PLXNA4: variants seen among roughly 807,000 people sequenced by gnomAD.
PLXNA4 encodes plexin-A4.
In PLXNA4, 44 loss-of-function variants were observed where a neutral mutation model predicts 191.8. The observed-to-expected ratio is 0.23, with a 90% CI of 0.18 to 0.29. PLXNA4 has a LOEUF of 0.29. PLXNA4 is among the 10% of genes least tolerant of loss of function. The pLI is 1.00. For missense variants in PLXNA4, 1,800 were observed against 2,488.8 expected (o/e 0.72, Z 5.89); for synonymous variants, 1,082 against 1,009.5 (o/e 1.07, Z -1.36).
chr7:132,399,650 C>T (rs1359765935), intron 3 of PLXNA4, among the ~76,000 whole-genome samples: 3 of 152,202 alleles, frequency 2.0e-5, no homozygotes, highest in East Asian at 1.9e-4. Flanking sequence ...GGTCACACAT[C>T]TGTGCTTTGG....
At chr7:132,391,066 G>A (rs1805390180) in intron 3 of PLXNA4, among the ~76,000 whole-genome samples, 1 of 152,198 alleles carries the variant, frequency 6.6e-6, no homozygotes, top group African/African-American at 2.4e-5. Flanking sequence ...GCAAAGGGAT[G>A]ATGGAATCTA....
chr7:132,213,258 G>T (rs1448224722), intron 9 of PLXNA4, among the ~76,000 whole-genome samples: 1 of 152,186 alleles, frequency 6.6e-6, no homozygotes, highest in Non-Finnish European at 1.5e-5. Context: ...ATGGGTAGTT[G>T]TTTGATGGGA....
At chr7:132,562,960 T>C (rs1801336512) in intron 1 of PLXNA4, among the ~76,000 whole-genome samples, 1 of 89,752 alleles carries the variant, frequency 1.1e-5, no homozygotes, top group African/African-American at 5.3e-5. Flanking sequence ...CTCCTCTCCC[T>C]CCTCCTCCTC....
chr7:132,436,010 C>A (rs1022824929), intron 3 of PLXNA4, among the ~76,000 whole-genome samples: 2 of 152,216 alleles, frequency 1.3e-5, no homozygotes, highest in Non-Finnish European at 2.9e-5. Context: ...CCGAACCCTG[C>A]TCCTCACAGA....
chr7:132,445,428 C>T (rs1184661546), intron 3 of PLXNA4, among the ~76,000 whole-genome samples: 2 of 151,464 alleles, frequency 1.3e-5, no homozygotes, highest in Admixed American at 6.6e-5. Context: ...TGACCATCAT[C>T]AGTGCCCCTG....
chr7:132,376,324 G>A (rs982884141), intron 3 of PLXNA4, among the ~76,000 whole-genome samples: 23 of 152,252 alleles, frequency 1.5e-4, no homozygotes, highest in Admixed American at 7.2e-4. Context: ...TACAGGGAAG[G>A]GAAGAAGAAA....
intron 3 of PLXNA4, among the ~76,000 whole-genome samples, chr7:132,455,079 C>A (rs576080265): frequency 6.6e-6 from 1 of 152,168 alleles, no homozygotes; most frequent in South Asian, 2.1e-4. Context: ...GGTTGGGAGA[C>A]GTCTGGGAAA....
chr7:132,150,020 C>T (rs1277139537), intron 25 of PLXNA4, among the ~76,000 whole-genome samples: 1 of 152,194 alleles, frequency 6.6e-6, no homozygotes, highest in Non-Finnish European at 1.5e-5. Context: ...GTCCCTGGGG[C>T]TTCCCTGCTG....
At chr7:132,609,973 A>G (rs1803015210) in intron 2 of PLXNA4, among the ~76,000 whole-genome samples, 1 of 152,170 alleles carries the variant, frequency 6.6e-6, no homozygotes, top group South Asian at 2.1e-4. Context: ...GTAAGTGCAA[A>G]TTATCTGGCT....
intron 2 of PLXNA4, among the ~76,000 whole-genome samples, chr7:132,614,360 G>T (rs183755394): frequency 2.9e-4 from 44 of 152,304 alleles, no homozygotes; most frequent in African/African-American, 1.0e-3. Context: ...AGCCACATGC[G>T]GCCAGAGGCC....
chr7:132,150,754 G>T (rs1715342769), intron 25 of PLXNA4, among the ~76,000 whole-genome samples: 1 of 152,206 alleles, frequency 6.6e-6, no homozygotes, highest in African/African-American at 2.4e-5. Context: ...CACATCTCAG[G>T]AGCATCTGAA....
intron 25 of PLXNA4, among the ~76,000 whole-genome samples, chr7:132,151,489 A>G (rs137926760): frequency 2.9e-4 from 3 of 10,232 alleles, no homozygotes; most frequent in South Asian, 6.6e-3. Context: ...AGGAGGAGGA[A>G]GAAGAAGGAG....
chr7:132,573,638 G>GACAGGAAGGC (rs144885725), intron 1 of PLXNA4, among the ~76,000 whole-genome samples: 62,155 of 151,584 alleles, frequency 0.41, 14,420 homozygotes, highest in South Asian at 0.62. Flanking sequence ...AGCAGCAGGC[G>GACAGGAAGGC]ACAGGAAGGC....
intron 1 of PLXNA4, among the ~76,000 whole-genome samples, chr7:132,564,237 C>CCTCCTCCTCCTT (rs1432650268): frequency 0.02 from 2,700 of 136,512 alleles, 114 homozygotes; most frequent in African/African-American, 0.055. Context: ...TCCTCCTCTT[C>CCTCCTCCTCCTT]CTCCTCCTCC....
chr7:132,162,542 G>A (rs1398208614), intron 24 of PLXNA4, among the ~76,000 whole-genome samples: 4 of 152,194 alleles, frequency 2.6e-5, no homozygotes, highest in Non-Finnish European at 5.9e-5. Flanking sequence ...GAGGAGACAG[G>A]AAAGAAAGGG....
At chr7:132,146,731 T>C (rs764876375) in intron 27 of PLXNA4, 31 bp from the exon 28 acceptor site, 3 of 1,611,692 alleles carry the variant, frequency 1.9e-6, no homozygotes, top group Non-Finnish European at 2.5e-6. Flanking sequence ...CCCCGACATA[T>C]GTGAGGCCAC....
intron 4 of PLXNA4, among the ~76,000 whole-genome samples, chr7:132,250,746 A>G (rs1165907785): frequency 2.6e-5 from 4 of 152,210 alleles, no homozygotes; most frequent in African/African-American, 9.7e-5. Flanking sequence ...TAACAAGCTG[A>G]GAGGGACCTT....
chr7:132,241,024 G>C, intron 5 of PLXNA4, 42 bp downstream of exon 5: 2 of 1,435,826 alleles, frequency 1.4e-6, no homozygotes, highest in Non-Finnish European at 1.9e-6. Context: ...GAATTACCAG[G>C]AGGAAGTGGG....
intron 1 of PLXNA4, among the ~76,000 whole-genome samples, chr7:132,573,435 G>T (rs1252156186): frequency 6.6e-6 from 1 of 152,154 alleles, no homozygotes; most frequent in African/African-American, 2.4e-5. Flanking sequence ...CTGCATCAAA[G>T]CCTGATGATA....
Sources: gnomAD v4.1 joint callset for allele counts (sites outside exome capture counted in the v4.1 genomes callset) on GRCh38, gnomAD v4.1.1 for gene constraint, MANE v1.5 for transcripts, NCBI Gene and HGNC (gene_info 2026-07-23, HGNC 2026-07-21) for gene names.